The following HDAC9 variants were observed in gnomAD, a reference collection of about 807,000 sequenced individuals.
The protein encoded by HDAC9 is MEF-2 interacting transcription repressor (MITR) protein.
A neutral mutation model predicts 139.4 loss-of-function variants in HDAC9; 41 were observed. The ratio of observed to expected loss-of-function variants is 0.29; its 90% CI spans 0.23 to 0.38. HDAC9 has a LOEUF of 0.38. Ranked by LOEUF, HDAC9 falls within the 10% of genes least tolerant of loss-of-function variation. The pLI, the probability that HDAC9 is intolerant of heterozygous loss-of-function variation, is 1.00. For missense variants in HDAC9, 1,147 were observed against 1,297.0 expected (o/e 0.88, Z 1.78); for synonymous variants, 517 against 476.2 (o/e 1.09, Z -1.12).
intron 2 of HDAC9, among the ~76,000 whole-genome samples, chr7:18,539,160 T>C (rs913009694): frequency 6.6e-6 from 1 of 152,184 alleles, no homozygotes; most frequent in Non-Finnish European, 1.5e-5. Context: ...ATTCACACAA[T>C]GGCACCAAGT....
At chr7:18,504,684 A>G (rs1799284011) in intron 2 of HDAC9, among the ~76,000 whole-genome samples, 1 of 152,222 alleles carries the variant, frequency 6.6e-6, no homozygotes, top group Non-Finnish European at 1.5e-5. Flanking sequence ...TATTGACACA[A>G]TGGCTAATGT....
At chr7:18,145,977 A>G (rs1213239540) in intron 1 of HDAC9, among the ~76,000 whole-genome samples, 2 of 152,210 alleles carry the variant, frequency 1.3e-5, no homozygotes, top group Non-Finnish European at 2.9e-5. Context: ...ATTTCTCTGG[A>G]AAAAGGGCAC....
At chr7:18,957,868 A>C (rs892957965) in intron 24 of HDAC9, among the ~76,000 whole-genome samples, 1 of 152,118 alleles carries the variant, frequency 6.6e-6, no homozygotes, top group Non-Finnish European at 1.5e-5. Context: ...TTTGTGCTGC[A>C]GTTTGCAACG....
intron 1 of HDAC9, among the ~76,000 whole-genome samples, chr7:18,350,664 C>T (rs1782781089): frequency 6.6e-6 from 1 of 152,134 alleles, no homozygotes; most frequent in African/African-American, 2.4e-5. Flanking sequence ...TTAGTACATT[C>T]CATAGCTGTA....
chr7:18,107,599 G>A (rs542630633), intron 1 of HDAC9, among the ~76,000 whole-genome samples: 1 of 152,234 alleles, frequency 6.6e-6, no homozygotes, highest in East Asian at 1.9e-4. Context: ...AAAAAAGTGA[G>A]ATTTAAAACT....
intron 13 of HDAC9, among the ~76,000 whole-genome samples, chr7:18,744,930 A>G (rs1305142356): frequency 6.6e-6 from 1 of 152,158 alleles, no homozygotes; most frequent in East Asian, 1.9e-4. Flanking sequence ...GTTGTTTAAA[A>G]TGCAGGTAAA....
chr7:18,192,757 A>T (rs1451155074), intron 2 of HDAC9, among the ~76,000 whole-genome samples: 4 of 152,216 alleles, frequency 2.6e-5, no homozygotes, highest in Admixed American at 6.5e-5. Flanking sequence ...AGGCTAAAAT[A>T]CAACATGCCA....
At chr7:18,238,678 T>C (rs1447771947) in intron 2 of HDAC9, among the ~76,000 whole-genome samples, 2 of 152,208 alleles carry the variant, frequency 1.3e-5, no homozygotes, top group Non-Finnish European at 2.9e-5. Flanking sequence ...AGAAGAAGGC[T>C]GAGCCAATTA....
chr7:18,157,013 C>T (rs562328350), intron 1 of HDAC9, among the ~76,000 whole-genome samples: 8 of 152,220 alleles, frequency 5.3e-5, no homozygotes, highest in Admixed American at 2.0e-4. Context: ...ACTTGAGCCT[C>T]GGAGGTTGAA....
rs138459500 is a variant in HDAC9 at position 18,159,141 on chromosome 7, A to G, written c.-96-3088A>G. Among the ~76,000 whole-genome samples, 1,204 of 152,280 alleles carry G rather than the reference A, an allele frequency of 7.9e-3. 6 individuals carry two copies. The highest frequency in any genetic ancestry group is 0.012 in the Non-Finnish European group (794 of 68,028). ...TCTCCTTAAATGTGCACGAATATGT[A>G]TATGTTTTTTACAGCATGGGGAAAC... On this transcript the variant is annotated intron_variant, in intron 1 of 12. Transcript: ENST00000417496.
chr7:18,477,789 T>A (rs571208997), intron 1 of HDAC9, among the ~76,000 whole-genome samples: 1 of 152,168 alleles, frequency 6.6e-6, no homozygotes, highest in African/African-American at 2.4e-5. Flanking sequence ...AGAATAATTA[T>A]ATATATTCCT....
At chr7:18,266,456 C>G (rs1454294385) in intron 2 of HDAC9, among the ~76,000 whole-genome samples, 2 of 152,212 alleles carry the variant, frequency 1.3e-5, no homozygotes, top group African/African-American at 4.8e-5. Flanking sequence ...TGGCTTGCAA[C>G]TCAAACAATT....
intron 12 of HDAC9, among the ~76,000 whole-genome samples, chr7:18,692,372 G>A (rs115904254): frequency 0.021 from 3,201 of 151,896 alleles, 104 homozygotes; most frequent in African/African-American, 0.064. Context: ...ATTATTGATC[G>A]CAACATTAAA....
At chr7:18,842,594 C>G (rs1282932533) in intron 21 of HDAC9, among the ~76,000 whole-genome samples, 1 of 151,868 alleles carries the variant, frequency 6.6e-6, no homozygotes, top group African/African-American at 2.4e-5. Flanking sequence ...CAAAGCGGGT[C>G]ACAAGAAAAA....
At chr7:18,231,323 G>A (rs1021871568) in intron 2 of HDAC9, among the ~76,000 whole-genome samples, 8 of 152,144 alleles carry the variant, frequency 5.3e-5, no homozygotes, top group Non-Finnish European at 8.8e-5. Context: ...AGACTCATTG[G>A]GTAATAGGCA....
intron 8 of HDAC9, among the ~76,000 whole-genome samples, chr7:18,643,517 A>G (rs1258480802): frequency 1.3e-5 from 2 of 152,070 alleles, no homozygotes; most frequent in Non-Finnish European, 2.9e-5. Flanking sequence ...AAACAAACGT[A>G]TGATTGAGAT....
intron 11 of HDAC9, among the ~76,000 whole-genome samples, chr7:18,659,759 C>A (rs932263786): frequency 6.6e-6 from 1 of 152,124 alleles, no homozygotes; most frequent in Non-Finnish European, 1.5e-5. Flanking sequence ...GAGTGGCACA[C>A]GGTGTGTTTT....
At chr7:18,991,382 T>C (rs1435691007) in intron 25 of HDAC9, among the ~76,000 whole-genome samples, 1 of 152,240 alleles carries the variant, frequency 6.6e-6, no homozygotes, top group East Asian at 1.9e-4. Flanking sequence ...GGCTCATGCC[T>C]GTAATCCCAG....
At chr7:18,399,233 A>G (rs1348380499) in intron 1 of HDAC9, among the ~76,000 whole-genome samples, 2 of 152,174 alleles carry the variant, frequency 1.3e-5, no homozygotes, top group African/African-American at 4.8e-5. Context: ...GCTAATTTCT[A>G]TAAGCTTTTT....
Sources: gnomAD v4.1 joint callset for allele counts (sites outside exome capture counted in the v4.1 genomes callset) on GRCh38, gnomAD v4.1.1 for gene constraint, MANE v1.5 for transcripts, NCBI Gene and HGNC (gene_info 2026-07-23, HGNC 2026-07-21) for gene names.